Variants in SDHC observed in about 807,000 individuals in gnomAD.
The protein encoded by SDHC is succinate dehydrogenase complex subunit C, also known as succinate dehydrogenase cytochrome b560 subunit, mitochondrial.
In SDHC, 11 loss-of-function variants were observed where a neutral mutation model predicts 22.6. That is an observed-to-expected ratio of 0.49 (90% CI 0.31 to 0.81). SDHC has a LOEUF of 0.81. SDHC is among the 30% of genes least tolerant of loss of function. The probability of loss-of-function intolerance (pLI) is 0.05; values close to 1 mark genes in which losing one functional copy is unlikely to be tolerated. For missense variants in SDHC, 160 were observed against 212.0 expected (o/e 0.75, Z 1.52); for synonymous variants, 80 against 77.8 (o/e 1.03, Z -0.15).
chr1:161,339,662 G>GTT lies in SDHC; in HGVS notation c.180-905_180-904dup, dbSNP rs532317918. 9.2e-3 allele frequency: 477 copies of GTT among 51,654 alleles called. 107 individuals are homozygous for GTT. The highest frequency in any genetic ancestry group is 9.5e-3 in the Non-Finnish European group (287 of 30,184). The allele number at this position is 51,654 out of a possible 1,614,324, so 3.2% of individuals were successfully genotyped here. A position where few individuals can be genotyped will look rare whatever the true frequency, so the allele number is the denominator to read the frequency against. ...TTTGTAACCTAATCCTGATACAGGT[G>GTT]TTTTTTTTTTTTTTTTTTTTTTTTT... On this transcript the variant is annotated intron_variant, in intron 3 of 5. Transcript: ENST00000367975.
chr1:161,339,878 C>G (rs1157447928), intron 3 of SDHC, among the ~76,000 whole-genome samples: 4 of 151,758 alleles, frequency 2.6e-5, no homozygotes, highest in East Asian at 2.0e-4. Context: ...CGGGGTTTCT[C>G]CATGTTGGTC....
intron 3 of SDHC, among the ~76,000 whole-genome samples, chr1:161,335,115 A>G (rs950978562): frequency 6.6e-6 from 1 of 152,092 alleles, no homozygotes; most frequent in African/African-American, 2.4e-5. Flanking sequence ...CGTTTTTAGA[A>G]TGTTCCTTAA....
intron 4 of SDHC, among the ~76,000 whole-genome samples, chr1:161,348,697 T>C (rs1056606103): frequency 1.8e-3 from 3 of 1,634 alleles, no homozygotes; most frequent in African/African-American, 6.6e-3. Flanking sequence ...ATTAGCCAGT[T>C]GTGGGTGGCG....
At chr1:161,314,612 C>G (rs1670534607) in intron 1 of SDHC, 187 bp downstream of exon 1, 2 of 665,956 alleles carry the variant, frequency 3.0e-6, no homozygotes, top group Non-Finnish European at 5.3e-6. Context: ...CGGTGCGCTC[C>G]GTAGGGCTTC....
In SDHC at chr1:161,362,818, G is replaced by T. The variant is rs8266; in HGVS notation, c.*385G>T. ...TCTGCCCTGGGGATGGGCCGGGTTGGGGGGTGGGTTGGTGAGGCTTTGGGT... is the reference window on the plus strand; with the variant it reads ...TCTGCCCTGGGGATGGGCCGGGTTGTGGGGTGGGTTGGTGAGGCTTTGGGT... On this transcript the variant is annotated 3_prime_UTR_variant, in exon 6 of 6. Transcript: ENST00000367975. The T allele has an allele frequency of 4.0e-5, 20 of 504,802 alleles. No individual in the cohort carries two copies. The highest frequency in any genetic ancestry group is 3.3e-4 in the East Asian group (9 of 27,352). 31.3% of individuals were successfully genotyped at this position (504,802 alleles called of 1,614,324 possible).
intron 2 of SDHC, among the ~76,000 whole-genome samples, chr1:161,327,121 G>A (rs1671086076): frequency 6.6e-6 from 1 of 152,048 alleles, no homozygotes; most frequent in Admixed American, 6.6e-5. Context: ...TGGAAACAGG[G>A]TTTTGCCATG....
chr1:161,340,653 C>T lies in SDHC; in HGVS notation c.239C>T (p.Ala80Val), dbSNP rs1476079486. ...CGTGGCACTGGTATTGCTTTGAGTG[C>T]AGGTATGTATATGTGTTTTTACACA... ...CHRGTGIALS[A>V]GVSLFGMSAL... The change falls in exon 4 of 6, where the codon GCA (alanine) becomes GTA (valine). Residue 80 changes from alanine to valine, a missense_variant and splice_region_variant. Ala to Val is a moderately conservative substitution (Grantham distance 64). Transcript: ENST00000367975. 1.9e-6 allele frequency: 3 copies of T among 1,613,092 alleles called. No individual in the cohort carries two copies. Among genetic ancestry groups the T allele is most frequent in the East Asian group, 2.2e-5 (1 of 44,874 alleles).
intron 2 of SDHC, among the ~76,000 whole-genome samples, chr1:161,326,267 A>G (rs1671043626): frequency 6.6e-6 from 1 of 151,876 alleles, no homozygotes; most frequent in African/African-American, 2.4e-5. Flanking sequence ...AGGTTAACTG[A>G]ATTAAAGTTG....
chr1:161,335,894 TGAA>T (rs1450997890), intron 3 of SDHC, among the ~76,000 whole-genome samples: 4 of 152,198 alleles, frequency 2.6e-5, no homozygotes, highest in Non-Finnish European at 5.9e-5. Flanking sequence ...CTGATGTCTT[TGAA>T]GATAAGTCCC....
At chr1:161,332,461 G>A (rs1671312888) in intron 3 of SDHC, among the ~76,000 whole-genome samples, 1 of 152,032 alleles carries the variant, frequency 6.6e-6, no homozygotes, top group African/African-American at 2.4e-5. Flanking sequence ...TTAATAACAT[G>A]TTCCTAATTT....
rs2102308154 is a variant in SDHC, at chr1:161,328,517, C to A, written c.179+20C>A. On this transcript the variant is annotated intron_variant, in intron 3 of 5. Transcript: ENST00000367975. ...CTACAGGTAAGGAAGGATTCTGGAG[C>A]CAGAGAATCTAGAGGTAGTGGGTGA... The A allele has an allele frequency of 6.6e-7, 1 of 1,522,892 alleles. No individual in the cohort carries two copies. Among genetic ancestry groups the A allele is most frequent in the Non-Finnish European group, 9.1e-7 (1 of 1,096,846 alleles). 94.3% of individuals were successfully genotyped at this position (1,522,892 alleles called of 1,614,324 possible). A position where few individuals can be genotyped will look rare whatever the true frequency, so the allele number is the denominator to read the frequency against.
chr1:161,321,907 T>C (rs1181249872), intron 1 of SDHC, among the ~76,000 whole-genome samples: 1 of 152,196 alleles, frequency 6.6e-6, no homozygotes, highest in East Asian at 1.9e-4. Flanking sequence ...ATTCACTCTA[T>C]TTACCTTCTT....
At chr1:161,326,627 T>C (rs549844824) in intron 2 of SDHC, 2 of 148,066 alleles carry the variant, frequency 1.4e-5, no homozygotes, top group Non-Finnish European at 3.0e-5. Flanking sequence ...TTTAATTTTT[T>C]TTTTTTCTTT....
chr1:161,353,962 C>T (rs1672179948), intron 4 of SDHC, among the ~76,000 whole-genome samples: 1 of 152,136 alleles, frequency 6.6e-6, no homozygotes, highest in Non-Finnish European at 1.5e-5. Context: ...AGTGCAGTAG[C>T]ACAATCACAG....
intron 3 of SDHC, among the ~76,000 whole-genome samples, chr1:161,333,466 G>A (rs572839009): frequency 1.3e-5 from 2 of 149,546 alleles, no homozygotes; most frequent in East Asian, 2.0e-4. Context: ...GTGCAGTGGC[G>A]CAGTCTCAGC....
chr1:161,345,327 G>A (rs563563654), intron 4 of SDHC, among the ~76,000 whole-genome samples: 2 of 152,298 alleles, frequency 1.3e-5, no homozygotes, highest in East Asian at 3.9e-4. Flanking sequence ...AACTCAAAGA[G>A]CACTTTGCTT....
At chr1:161,340,697 A>G (rs775451480) in intron 4 of SDHC, 42 bp downstream of exon 4, 5 of 1,561,488 alleles carry the variant, frequency 3.2e-6, no homozygotes, top group Admixed American at 3.3e-5. Context: ...TGCTTCTTTG[A>G]AAAACTTGGC....
chr1:161,344,510 A>C (rs1368153055), intron 4 of SDHC, among the ~76,000 whole-genome samples: 7 of 152,108 alleles, frequency 4.6e-5, no homozygotes, highest in Non-Finnish European at 2.9e-5. Context: ...ACCCCTTTGA[A>C]TGGTGGCCTT....
intron 3 of SDHC, chr1:161,339,662 G>GTTTTTTTTTTGTTTTTTTTT (rs1671639183): frequency 2.0e-5 from 1 of 49,566 alleles, no homozygotes; most frequent in African/African-American, 1.0e-4. Context: ...TGATACAGGT[G>GTTTTTTTTTTGTTTTTTTTT]TTTTTTTTTT....
Sources: allele counts gnomAD v4.1 joint callset (sites outside exome capture counted in the v4.1 genomes callset), GRCh38; gene constraint gnomAD v4.1.1; transcripts MANE v1.5; gene names NCBI Gene and HGNC (gene_info 2026-07-23, HGNC 2026-07-21).